The following ZFP1 variants were observed in gnomAD, a reference collection of about 807,000 sequenced individuals.
ZFP1 encodes ZFP1 zinc finger protein.
Under a neutral mutation model 38.5 loss-of-function variants are expected in ZFP1, and 32 were observed. The ratio of observed to expected loss-of-function variants is 0.83; its 90% CI spans 0.63 to 1.12. ZFP1 has a LOEUF of 1.12. Among genes scored for constraint, ZFP1 ranks in the 50% most tolerant of loss-of-function variants. ZFP1 has a pLI of 0.00. For synonymous variants in ZFP1, 245 were observed against 168.8 expected, an observed-to-expected ratio of 1.45 and a Z score of -3.50; for missense variants, 616 against 480.8, an observed-to-expected ratio of 1.28 and a Z score of -2.63.
intron 2 of ZFP1, among the ~76,000 whole-genome samples, chr16:75,161,345 A>T (rs772232680): frequency 1.3e-5 from 2 of 151,956 alleles, no homozygotes; most frequent in Non-Finnish European, 2.9e-5. Flanking sequence ...CTGGGATTAC[A>T]GGCGTGAGCC....
chr16:75,167,781 T>C (rs1307848232), intron 3 of ZFP1, among the ~76,000 whole-genome samples: 1 of 152,130 alleles, frequency 6.6e-6, no homozygotes, highest in Non-Finnish European at 1.5e-5. Flanking sequence ...TTTACTTTTG[T>C]AGAGACAAGT....
Position 75,171,319 on chromosome 16 carries a change from G to C in ZFP1, c.*985G>C, listed in dbSNP as rs141711029. ...ATGTTACATTTCAGAGACTTTAGAG[G>C]AAAAATTATTTTAAATAACTGTCAA... On this transcript the variant is annotated 3_prime_UTR_variant, in exon 4 of 4. Transcript: ENST00000570010. 1 of 152,098 alleles carries C rather than the reference G, an allele frequency of 6.6e-6. No individual in the cohort carries two copies. The highest frequency in any genetic ancestry group is 1.5e-5 in the Non-Finnish European group (1 of 68,014). 9.4% of individuals were successfully genotyped at this position (152,098 alleles called of 1,614,324 possible). A position where few individuals can be genotyped will look rare whatever the true frequency, so the allele number is the denominator to read the frequency against.
At chr16:75,142,808 T>C in the ZFP1 span, among the ~76,000 whole-genome samples, 1,088 of 152,240 alleles carry the variant, frequency 7.1e-3, 10 homozygotes, top group African/African-American at 0.025. Context: ...GTCAAGTGAT[T>C]CTCCTGCCTC....
chr16:75,142,049 A>T, the ZFP1 span, among the ~76,000 whole-genome samples: 63 of 121,570 alleles, frequency 5.2e-4, no homozygotes, highest in Non-Finnish European at 8.5e-4. Context: ...GCAAGACTCC[A>T]TCTCAAAGAA....
chr16:75,121,785 G>A, the ZFP1 span, among the ~76,000 whole-genome samples: 115 of 152,202 alleles, frequency 7.6e-4, no homozygotes, highest in African/African-American at 2.7e-3. Context: ...AAAAAGACTC[G>A]TCAAATATTT....
chr16:75,167,396 C>CT (rs11417475), intron 3 of ZFP1, among the ~76,000 whole-genome samples: 65,960 of 148,560 alleles, frequency 0.44, 16,353 homozygotes, highest in African/African-American at 0.69. Context: ...CCCTGCTTAC[C>CT]TTTTTTTTTT....
At chr16:75,127,543 A>G in the ZFP1 span, among the ~76,000 whole-genome samples, 3 of 151,818 alleles carry the variant, frequency 2.0e-5, no homozygotes, top group East Asian at 3.9e-4. Context: ...CTGGTCTTGA[A>G]CTCCTGGCCT....
chr16:75,130,817 CTT>C, the ZFP1 span, among the ~76,000 whole-genome samples: 11 of 143,122 alleles, frequency 7.7e-5, no homozygotes, highest in Non-Finnish European at 3.1e-5. Flanking sequence ...CAGTTTGATT[CTT>C]TTTTTTTTTT....
upstream of ZFP1, among the ~76,000 whole-genome samples, chr16:75,144,447 A>G (rs72800401): frequency 0.4 from 61,183 of 152,048 alleles, 13,021 homozygotes; most frequent in Middle Eastern, 0.55. Flanking sequence ...TACCTACTAA[A>G]AGATTTTTAG....
chr16:75,155,966 G>A (rs2037449505), intron 2 of ZFP1, among the ~76,000 whole-genome samples: 1 of 152,040 alleles, frequency 6.6e-6, no homozygotes, highest in Admixed American at 6.6e-5. Context: ...AGATCTAAAA[G>A]ATGCATCCGT....
upstream of ZFP1, among the ~76,000 whole-genome samples, chr16:75,145,652 T>C (rs2036935136): frequency 6.6e-6 from 1 of 152,094 alleles, no homozygotes; most frequent in Non-Finnish European, 1.5e-5. Flanking sequence ...CAATTGAGCA[T>C]TGAAGAGGTA....
At chr16:75,151,692 C>G (rs529002354) in intron 1 of ZFP1, among the ~76,000 whole-genome samples, 13 of 152,260 alleles carry the variant, frequency 8.5e-5, no homozygotes, top group Admixed American at 8.5e-4. Flanking sequence ...AACTTTGCTA[C>G]TATTTTTGCT....
intron 2 of ZFP1, among the ~76,000 whole-genome samples, chr16:75,164,432 A>C (rs1439463436): frequency 6.6e-6 from 1 of 152,226 alleles, no homozygotes; most frequent in Non-Finnish European, 1.5e-5. Flanking sequence ...AGTTGATGAC[A>C]TCCAGAAATT....
At chr16:75,158,104 T>C (rs1351649795) in intron 2 of ZFP1, among the ~76,000 whole-genome samples, 2 of 151,976 alleles carry the variant, frequency 1.3e-5, no homozygotes, top group East Asian at 3.9e-4. Context: ...TCCTTTTTTT[T>C]ATGATTAGTG....
chr16:75,147,192 T>C (rs1430471340), upstream of ZFP1, among the ~76,000 whole-genome samples: 4 of 152,158 alleles, frequency 2.6e-5, no homozygotes, highest in African/African-American at 9.7e-5. Context: ...TGTACGATAC[T>C]GTAATGGTTA....
At chr16:75,164,621 C>G (rs1056604878) in intron 2 of ZFP1, among the ~76,000 whole-genome samples, 1 of 152,074 alleles carries the variant, frequency 6.6e-6, no homozygotes, top group South Asian at 2.1e-4. Context: ...TACTAGTCAT[C>G]ATTCTAGATC....
At chr16:75,134,662 G>C in the ZFP1 span, among the ~76,000 whole-genome samples, 1 of 151,576 alleles carries the variant, frequency 6.6e-6, no homozygotes, top group African/African-American at 2.4e-5. Context: ...TGAGGCAGGA[G>C]AATGGCGTGA....
At chr16:75,140,669 C>T in the ZFP1 span, among the ~76,000 whole-genome samples, 1 of 152,086 alleles carries the variant, frequency 6.6e-6, no homozygotes, top group Non-Finnish European at 1.5e-5. Flanking sequence ...AATAAAAACA[C>T]TTGGGGGAGG....
Position 75,170,066 on chromosome 16 carries a change from C to T in ZFP1, c.956C>T (p.Thr319Met), listed in dbSNP as rs770638807. ...SNLIIHQKIH[T>M]GEKRYECSEC... The stretch of plus-strand genomic sequence containing the variant: ...CTTATCATACATCAGAAGATTCACA[C>T]GGGGGAGAAACGCTATGAGTGCAGT... Residue 319 changes from threonine (T) to methionine (M), a missense_variant, in exon 4 of 4, where the codon ACG (threonine) becomes ATG (methionine). Transcript: ENST00000570010. The T allele has an allele frequency of 6.2e-6, 10 of 1,613,936 alleles. No individual in the cohort carries two copies. Among genetic ancestry groups the T allele is most frequent in the Middle Eastern group, 1.6e-4 (1 of 6,084 alleles).
Sources: allele counts gnomAD v4.1 joint callset (sites outside exome capture counted in the v4.1 genomes callset), GRCh38; gene constraint gnomAD v4.1.1; transcripts MANE v1.5; gene names NCBI Gene and HGNC (gene_info 2026-07-23, HGNC 2026-07-21).